Variants in SYT14 observed in about 807,000 individuals in gnomAD.
SYT14 encodes the protein synaptotagmin 14, also known as synaptotagmin-14.
In SYT14, 32 loss-of-function variants were observed where a neutral mutation model predicts 74.2. The observed-to-expected ratio is 0.43, with a 90% CI of 0.33 to 0.58. SYT14 has a LOEUF of 0.58. SYT14 is among the 20% of genes least tolerant of loss of function. The pLI is 0.05. For synonymous variants in SYT14, 298 were observed against 337.7 expected (o/e 0.88, Z 1.29); for missense variants, 791 against 981.8 (o/e 0.81, Z 2.60).
chr1:210,152,647 A>G lies in SYT14; in HGVS notation c.2035-3074A>G, dbSNP rs905052054. Among the ~76,000 whole-genome samples, 4 of 152,174 alleles carry G rather than the reference A, an allele frequency of 2.6e-5. No homozygotes were observed. The East Asian group carries it at 5.8e-4, about 22-fold the overall frequency. The stretch of plus-strand genomic sequence containing the variant: ...ACAAAGCAAAACCCATGTAATTACC[A>G]TCCAGGTCAAGGAATGAAAGAAACA... On this transcript the variant is annotated intron_variant, in intron 7 of 9. Transcript: ENST00000637265.
At chr1:209,995,002 A>G (rs1403444161) in intron 2 of SYT14, among the ~76,000 whole-genome samples, 1 of 152,208 alleles carries the variant, frequency 6.6e-6, no homozygotes, top group African/African-American at 2.4e-5. Context: ...AGTGCTAAAC[A>G]TGGAATCGTA....
At chr1:210,162,268 T>C in exon 10 of SYT14, 1 of 438,790 alleles carries the variant, frequency 2.3e-6, no homozygotes, top group Non-Finnish European at 4.5e-6. Flanking sequence ...CTCATACAGC[T>C]TGAACGTTGT....
At chr1:210,131,741 G>A (rs1174460129) in intron 7 of SYT14, among the ~76,000 whole-genome samples, 3 of 152,024 alleles carry the variant, frequency 2.0e-5, no homozygotes, top group African/African-American at 4.8e-5. Context: ...TATCCTTAAT[G>A]TATTAACTCA....
chr1:209,970,662 CTTTTTTTTTTTTTTTTTTTTTTTT>C (rs35639848), intron 2 of SYT14, among the ~76,000 whole-genome samples: 17 of 62,784 alleles, frequency 2.7e-4, no homozygotes, highest in Non-Finnish European at 2.5e-4. Context: ...GGCAGTATGG[CTTTTTTTTTTTTTTTTTTTTTTTT>C]TTTTTTTTTT....
intron 8 of SYT14, among the ~76,000 whole-genome samples, chr1:210,158,802 A>G (rs926182618): frequency 6.6e-6 from 1 of 152,206 alleles, no homozygotes; most frequent in African/African-American, 2.4e-5. Context: ...TTTATAAAGT[A>G]AAAGGTAAAA....
At chr1:210,019,424 C>T (rs147446379) in intron 4 of SYT14, among the ~76,000 whole-genome samples, 45 of 152,226 alleles carry the variant, frequency 3.0e-4, no homozygotes, top group African/African-American at 1.0e-3. Flanking sequence ...ATATAGTAAC[C>T]GCTAGCTGCA....
intron 5 of SYT14, among the ~76,000 whole-genome samples, chr1:210,036,364 A>G (rs1373622696): frequency 1.3e-5 from 2 of 151,998 alleles, no homozygotes; most frequent in African/African-American, 4.8e-5. Flanking sequence ...GCATAAGATT[A>G]TATCATCAGC....
At chr1:210,131,392 C>T (rs967926913) in intron 7 of SYT14, among the ~76,000 whole-genome samples, 1 of 151,868 alleles carries the variant, frequency 6.6e-6, no homozygotes, top group African/African-American at 2.4e-5. Flanking sequence ...ATATGTAGAA[C>T]TTGTTATAAA....
At chr1:210,089,043 T>C (rs1360702739) in intron 5 of SYT14, among the ~76,000 whole-genome samples, 1 of 152,110 alleles carries the variant, frequency 6.6e-6, no homozygotes, top group African/African-American at 2.4e-5. Context: ...CTCCATCCCC[T>C]GACATGCCCC....
intron 5 of SYT14, among the ~76,000 whole-genome samples, chr1:210,086,077 T>C (rs1048794449): frequency 3.9e-5 from 6 of 152,210 alleles, no homozygotes; most frequent in Non-Finnish European, 5.9e-5. Flanking sequence ...GATTATATAA[T>C]TTCCTGTTTC....
chr1:210,139,265 CTTTTTTTTTTTTTT>C (rs960923188), intron 7 of SYT14, among the ~76,000 whole-genome samples: 2 of 95,858 alleles, frequency 2.1e-5, no homozygotes, highest in African/African-American at 8.2e-5. Flanking sequence ...TTTCTTTTTT[CTTTTTTTTTTTTTT>C]TTTTTTTTGA....
chr1:209,971,474 G>A (rs12080332), intron 2 of SYT14, among the ~76,000 whole-genome samples: 19,905 of 152,070 alleles, frequency 0.13, 4,106 homozygotes, highest in African/African-American at 0.44. Context: ...TTCTCAAGGG[G>A]AATTGTTCCA....
At chr1:210,065,489 T>TG (rs2081279490) in intron 5 of SYT14, among the ~76,000 whole-genome samples, 1 of 152,010 alleles carries the variant, frequency 6.6e-6, no homozygotes, top group African/African-American at 2.4e-5. Flanking sequence ...TGTGCTGAAC[T>TG]GTGAGTCAGT....
chr1:209,993,948 T>C (rs975491982), intron 2 of SYT14, among the ~76,000 whole-genome samples: 1 of 152,110 alleles, frequency 6.6e-6, no homozygotes, highest in African/African-American at 2.4e-5. Context: ...GTGCAAGTGT[T>C]TACCTAAAGA....
At chr1:209,968,385 G>A (rs528662106) in intron 2 of SYT14, among the ~76,000 whole-genome samples, 58 of 151,902 alleles carry the variant, frequency 3.8e-4, no homozygotes, top group Admixed American at 8.5e-4. Context: ...TACTCCATAT[G>A]GATAGTACTC....
At chr1:210,019,810 C>G (rs1179898274) in intron 4 of SYT14, among the ~76,000 whole-genome samples, 1 of 152,172 alleles carries the variant, frequency 6.6e-6, no homozygotes, top group Non-Finnish European at 1.5e-5. Context: ...CTACTGTAGT[C>G]TCTTCACCTT....
exon 4 of SYT14, chr1:210,016,327 G>C: frequency 8.1e-7 from 1 of 1,232,078 alleles, no homozygotes; most frequent in Non-Finnish European, 1.0e-6. Context: ...CTTCACTAAA[G>C]CAAGATCAAG....
At chr1:210,105,882 A>C (rs1341988487) in intron 7 of SYT14, among the ~76,000 whole-genome samples, 1 of 152,160 alleles carries the variant, frequency 6.6e-6, no homozygotes, top group Non-Finnish European at 1.5e-5. Flanking sequence ...TCTTCATGTG[A>C]CATGCCTGCT....
chr1:210,016,833 G>A (rs1403423197), exon 4 of SYT14: 3 of 1,231,686 alleles, frequency 2.4e-6, no homozygotes, highest in Non-Finnish European at 3.0e-6. Context: ...GGGAATGAGT[G>A]TTCAGGAAAT....
Sources: allele counts gnomAD v4.1 joint callset (sites outside exome capture counted in the v4.1 genomes callset), GRCh38; gene constraint gnomAD v4.1.1; transcripts MANE v1.5; gene names NCBI Gene and HGNC (gene_info 2026-07-23, HGNC 2026-07-21).